The following MMP26 variants were observed in gnomAD, a reference collection of about 807,000 sequenced individuals.
The protein encoded by MMP26 is matrix metalloproteinase-26.
Under a neutral mutation model 31.0 loss-of-function variants are expected in MMP26, and 33 were observed. The ratio of observed to expected loss-of-function variants is 1.06; its 90% CI spans 0.81 to 1.42. The LOEUF (loss-of-function observed/expected upper bound fraction) is 1.42. MMP26 is among the 40% of genes most tolerant of loss of function. The pLI is 0.00. For missense variants in MMP26, 347 were observed against 316.1 expected (o/e 1.10, Z -0.74); for synonymous variants, 122 against 114.9 (o/e 1.06, Z -0.40).
intron 2 of MMP26, among the ~76,000 whole-genome samples, chr11:4,783,248 G>T (rs1848889710): frequency 6.6e-6 from 1 of 152,242 alleles, no homozygotes; most frequent in Non-Finnish European, 1.5e-5. Context: ...ACATGCCCAA[G>T]ATCATGGGAA....
intron 2 of MMP26, chr11:4,915,385 T>C: frequency 6.2e-7 from 1 of 1,613,944 alleles, no homozygotes; most frequent in East Asian, 2.2e-5. Flanking sequence ...TTTCTCGTGC[T>C]CCAACCCAAA....
chr11:4,986,971 C>T lies in MMP26; in HGVS notation c.-144-1097C>T, dbSNP rs1274325688. ...TCTCTCTCTCTCTCCCTCTCTCTCTCTCTCTTTCTTTCTTTCTTAGATGGA... is the reference window on the plus strand; with the variant it reads ...TCTCTCTCTCTCTCCCTCTCTCTCTTTCTCTTTCTTTCTTTCTTAGATGGA... On this transcript the variant is annotated intron_variant, in intron 2 of 7. Coordinates refer to ENST00000380390, the MANE Select transcript of MMP26 (RefSeq NM_021801.5). 7.7e-5 allele frequency among the ~76,000 whole-genome samples: 11 copies of T among 142,132 alleles called. No homozygotes were observed. In the Admixed American group the frequency reaches 8.2e-4, roughly 11 times the overall value. The allele number at this position is 142,132 out of a possible 152,430, so 93.2% of individuals were successfully genotyped here. A position where few individuals can be genotyped will look rare whatever the true frequency, so the allele number is the denominator to read the frequency against.
intron 1 of MMP26, among the ~76,000 whole-genome samples, chr11:4,750,709 G>T (rs1357137940): frequency 6.6e-6 from 1 of 151,934 alleles, no homozygotes; most frequent in Non-Finnish European, 1.5e-5. Flanking sequence ...TATAAGTAGG[G>T]GATAAATAAT....
chr11:4,807,939 G>T (rs1465235394), intron 2 of MMP26, among the ~76,000 whole-genome samples: 1 of 151,916 alleles, frequency 6.6e-6, no homozygotes, highest in Non-Finnish European at 1.5e-5. Context: ...TGGGTAGCTG[G>T]AACTACAGAT....
At chr11:4,810,849 A>G (rs1282008069) in intron 2 of MMP26, among the ~76,000 whole-genome samples, 2 of 152,230 alleles carry the variant, frequency 1.3e-5, no homozygotes, top group Non-Finnish European at 2.9e-5. Flanking sequence ...TTTTTAATCT[A>G]AACACTGAGG....
intron 2 of MMP26, among the ~76,000 whole-genome samples, chr11:4,939,366 C>T (rs567913841): frequency 6.6e-6 from 1 of 152,226 alleles, no homozygotes; most frequent in African/African-American, 2.4e-5. Flanking sequence ...ATTTTTACCT[C>T]TTGGTTTGTC....
chr11:4,980,534 G>A (rs1046591814), intron 2 of MMP26, among the ~76,000 whole-genome samples: 1 of 151,912 alleles, frequency 6.6e-6, no homozygotes, highest in African/African-American at 2.4e-5. Context: ...AATTTAAGGA[G>A]ATTACTAAGA....
chr11:4,801,245 A>G (rs2133451730), intron 2 of MMP26, among the ~76,000 whole-genome samples: 1 of 152,324 alleles, frequency 6.6e-6, no homozygotes, highest in South Asian at 2.1e-4. Context: ...GTGTCTTTAC[A>G]GCAACTACCC....
intron 2 of MMP26, among the ~76,000 whole-genome samples, chr11:4,967,956 T>C (rs1450306311): frequency 6.6e-6 from 1 of 152,132 alleles, no homozygotes; most frequent in African/African-American, 2.4e-5. Context: ...AAATAGGACA[T>C]TGAAAGAATC....
intron 1 of MMP26, among the ~76,000 whole-genome samples, chr11:4,716,476 G>T (rs1300850494): frequency 6.6e-6 from 1 of 152,026 alleles, no homozygotes; most frequent in African/African-American, 2.4e-5. Flanking sequence ...TGTTGGTGTA[G>T]GAAAGGAGAT....
At chr11:4,711,866 C>T (rs1413783773) in intron 1 of MMP26, 2 of 152,244 alleles carry the variant, frequency 1.3e-5, no homozygotes, top group Middle Eastern at 3.4e-3. Context: ...TTCTGAAAAA[C>T]ACCAGGAATA....
intron 2 of MMP26, among the ~76,000 whole-genome samples, chr11:4,840,562 G>T (rs1176685406): frequency 2.0e-5 from 3 of 152,202 alleles, no homozygotes; most frequent in Non-Finnish European, 4.4e-5. Flanking sequence ...TCCATATTTT[G>T]TCTAAGACCA....
At chr11:4,847,134 C>T (rs918197107) in intron 2 of MMP26, among the ~76,000 whole-genome samples, 1 of 152,214 alleles carries the variant, frequency 6.6e-6, no homozygotes, top group Non-Finnish European at 1.5e-5. Flanking sequence ...CACACTGAAG[C>T]TCTTGCTTTT....
chr11:4,738,139 A>T (rs1848266557), intron 1 of MMP26, among the ~76,000 whole-genome samples: 2 of 152,094 alleles, frequency 1.3e-5, no homozygotes, highest in Admixed American at 1.3e-4. Flanking sequence ...ACAGGAAAAA[A>T]ATTCAGCTCC....
intron 2 of MMP26, chr11:4,821,939 C>T: frequency 6.2e-7 from 1 of 1,614,008 alleles, no homozygotes. Flanking sequence ...TTCTGCAGTT[C>T]TATGGTCCTT....
intron 2 of MMP26, among the ~76,000 whole-genome samples, chr11:4,949,030 C>A (rs1846346645): frequency 8.0e-6 from 1 of 124,374 alleles, no homozygotes; most frequent in South Asian, 2.4e-4. Flanking sequence ...TTCATGTGTT[C>A]ATTGGCTCAA....
chr11:4,906,313 C>A (rs1850887210), intron 2 of MMP26, among the ~76,000 whole-genome samples: 1 of 152,176 alleles, frequency 6.6e-6, no homozygotes, highest in Admixed American at 6.5e-5. Flanking sequence ...GAACCTAGAT[C>A]TCTGTTTGGA....
intron 2 of MMP26, among the ~76,000 whole-genome samples, chr11:4,816,513 T>TAAAAAA (rs1554884906): frequency 1.4e-5 from 2 of 146,466 alleles, no homozygotes; most frequent in Middle Eastern, 3.2e-3. Flanking sequence ...GTGAGATAAT[T>TAAAAAA]AAAAAAAAAA....
intron 2 of MMP26, among the ~76,000 whole-genome samples, chr11:4,791,235 G>A (rs533666048): frequency 5.3e-5 from 8 of 152,274 alleles, no homozygotes; most frequent in East Asian, 1.9e-4. Context: ...TAATAGTTGC[G>A]GCTATGAACA....
Sources: gnomAD v4.1 joint callset for allele counts (sites outside exome capture counted in the v4.1 genomes callset) on GRCh38, gnomAD v4.1.1 for gene constraint, MANE v1.5 for transcripts, NCBI Gene and HGNC (gene_info 2026-07-23, HGNC 2026-07-21) for gene names.